DEPTOR: variants seen among roughly 807,000 people sequenced by gnomAD.
The protein encoded by DEPTOR is DEP domain containing MTOR interacting protein.
A neutral mutation model predicts 41.6 loss-of-function variants in DEPTOR; 41 were observed. The observed-to-expected ratio is 0.98, with a 90% CI of 0.77 to 1.28. The LOEUF (loss-of-function observed/expected upper bound fraction) is 1.28. Among genes scored for constraint, DEPTOR ranks in the 50% most tolerant of loss-of-function variants. The probability of loss-of-function intolerance (pLI) is 0.00; values close to 1 mark genes in which losing one functional copy is unlikely to be tolerated. For missense variants in DEPTOR, 514 were observed against 527.9 expected (o/e 0.97, Z 0.26); for synonymous variants, 195 against 192.3 (o/e 1.01, Z -0.12).
chr8:119,983,258 A>C (rs147034385), intron 4 of DEPTOR, among the ~76,000 whole-genome samples: 1,773 of 145,416 alleles, frequency 0.012, 14 homozygotes, highest in Non-Finnish European at 0.018. Flanking sequence ...TTTTCTTTTT[A>C]TTTTTTTTTT....
chr8:120,049,812 C>T lies in DEPTOR; in HGVS notation c.*108C>T, dbSNP rs930791056. ...ATGCAAATGGATGGTTTTGGACATA[C>T]GAGTCTTCTCCGCACATACATGTCT... On this transcript the variant is annotated 3_prime_UTR_variant, in exon 9 of 9. Coordinates refer to ENST00000286234, the MANE Select transcript of DEPTOR (RefSeq NM_022783.4). 1.6e-5 allele frequency: 23 copies of T among 1,416,924 alleles called. No homozygotes were observed. The highest frequency in any genetic ancestry group is 2.4e-5 in the East Asian group (1 of 41,762). 87.8% of individuals were successfully genotyped at this position (1,416,924 alleles called of 1,614,324 possible).
chr8:119,920,463 G>A (rs981271089), intron 1 of DEPTOR, among the ~76,000 whole-genome samples: 2 of 152,156 alleles, frequency 1.3e-5, no homozygotes, highest in Non-Finnish European at 2.9e-5. Context: ...CTGGGAAAAC[G>A]TTCACAGAGG....
chr8:119,949,720 C>A (rs1828328625), intron 3 of DEPTOR, among the ~76,000 whole-genome samples: 2 of 152,124 alleles, frequency 1.3e-5, no homozygotes, highest in South Asian at 2.1e-4. Context: ...TACTTTGTCA[C>A]CCTGGCTGGA....
chr8:119,950,756 A>C (rs370315677), intron 3 of DEPTOR, among the ~76,000 whole-genome samples: 19 of 151,966 alleles, frequency 1.3e-4, no homozygotes, highest in African/African-American at 4.4e-4. Context: ...CACTATGCCC[A>C]GCTAATTATT....
intron 1 of DEPTOR, among the ~76,000 whole-genome samples, chr8:119,918,512 G>A (rs1288700234): frequency 2.6e-5 from 4 of 152,056 alleles, no homozygotes; most frequent in Non-Finnish European, 5.9e-5. Flanking sequence ...CCAGGCTGGA[G>A]TGCAATGGCA....
chr8:119,923,477 A>G (rs80144723), intron 1 of DEPTOR, among the ~76,000 whole-genome samples: 2,688 of 152,240 alleles, frequency 0.018, 35 homozygotes, highest in Admixed American at 0.028. Flanking sequence ...CCTGAGGTCA[A>G]GTTATCCTCC....
rs778314888 is a variant in DEPTOR, at chr8:119,929,927, G to T, written c.414G>T (p.Arg138Ser). ...NEVKAFMRGQRLYEKLMSPEN... is the reference protein window; with the variant it reads ...NEVKAFMRGQSLYEKLMSPEN... ...TGAAGGCCTTTATGAGAGGACAGAG[G>T]CTATATGAAAAGTATGTTCCGCATG... Residue 138 changes from arginine to serine, a missense_variant, in exon 3 of 9, where the codon AGG (arginine) becomes AGT (serine). Physicochemically the swap from Arg to Ser is moderately radical, Grantham distance 110. Coordinates refer to ENST00000286234, the MANE Select transcript of DEPTOR (RefSeq NM_022783.4). The T allele has an allele frequency of 1.1e-5, 18 of 1,612,036 alleles. No individual in the cohort carries two copies. Among genetic ancestry groups the T allele is most frequent in the Non-Finnish European group, 1.4e-5 (16 of 1,178,628 alleles).
chr8:120,047,593 G>A lies in DEPTOR; in HGVS notation c.1102-1983G>A, dbSNP rs542536125. ...CCATGTTGACCAGGCTGATCCACCC[G>A]CCAGGCTGATCCACCTCAAGTGATC... is the stretch of plus-strand genomic sequence containing the variant. On this transcript the variant is annotated intron_variant, in intron 8 of 8. Transcript: ENST00000286234. Among the ~76,000 whole-genome samples, 6 of 151,318 alleles carry A rather than the reference G, an allele frequency of 4.0e-5. No individual in the cohort carries two copies. The East Asian group carries it at 6.0e-4, about 15-fold the overall frequency.
intron 1 of DEPTOR, among the ~76,000 whole-genome samples, chr8:119,878,521 G>A (rs892715057): frequency 1.3e-5 from 2 of 151,304 alleles, no homozygotes; most frequent in African/African-American, 4.9e-5. Context: ...TAGAGACAGC[G>A]TTTCACCATG....
At chr8:119,876,085 G>T (rs991347811) in intron 1 of DEPTOR, among the ~76,000 whole-genome samples, 5 of 152,158 alleles carry the variant, frequency 3.3e-5, no homozygotes, top group African/African-American at 1.2e-4. Context: ...ATATTAAATT[G>T]CATGATGGCT....
chr8:119,904,410 C>G (rs756521234), intron 1 of DEPTOR, among the ~76,000 whole-genome samples: 1 of 149,240 alleles, frequency 6.7e-6, no homozygotes, highest in East Asian at 2.0e-4. Flanking sequence ...TGAGCCACTG[C>G]GCCCGGCGTA....
intron 8 of DEPTOR, among the ~76,000 whole-genome samples, chr8:120,035,005 G>A (rs771906682): frequency 7.6e-6 from 1 of 132,058 alleles, no homozygotes; most frequent in Non-Finnish European, 1.6e-5. Flanking sequence ...TTGTGTGGGA[G>A]TGATACATGT....
intron 8 of DEPTOR, among the ~76,000 whole-genome samples, chr8:120,016,819 T>G (rs11986346): frequency 0.43 from 64,753 of 151,376 alleles, 14,393 homozygotes; most frequent in African/African-American, 0.53. Flanking sequence ...GCCTAGGTTG[T>G]TCTCGAACTC....
At chr8:120,020,124 G>A (rs902649453) in intron 8 of DEPTOR, among the ~76,000 whole-genome samples, 7 of 152,112 alleles carry the variant, frequency 4.6e-5, no homozygotes, top group East Asian at 3.9e-4. Context: ...GTCTCACTCT[G>A]TCACCCAGGC....
intron 1 of DEPTOR, among the ~76,000 whole-genome samples, chr8:119,907,347 A>G (rs1827676653): frequency 6.6e-6 from 1 of 152,144 alleles, no homozygotes; most frequent in Non-Finnish European, 1.5e-5. Context: ...TTTAAAAAAT[A>G]TTTTCTTCCC....
intron 1 of DEPTOR, among the ~76,000 whole-genome samples, chr8:119,919,523 A>G (rs1388149063): frequency 6.6e-6 from 1 of 152,238 alleles, no homozygotes; most frequent in Non-Finnish European, 1.5e-5. Flanking sequence ...CAGATATTAA[A>G]AGGAAATGCA....
At chr8:119,960,930 G>A (rs1828481970) in intron 3 of DEPTOR, among the ~76,000 whole-genome samples, 1 of 152,062 alleles carries the variant, frequency 6.6e-6, no homozygotes, top group South Asian at 2.1e-4. Flanking sequence ...GTTGCACTGA[G>A]ATTGCACCAT....
At chr8:120,008,359 C>G (rs898294047) in intron 7 of DEPTOR, among the ~76,000 whole-genome samples, 1 of 151,842 alleles carries the variant, frequency 6.6e-6, no homozygotes, top group Non-Finnish European at 1.5e-5. Context: ...GAAACCCTGT[C>G]TCTACTAAAA....
chr8:119,952,522 A>C (rs1480137940), intron 3 of DEPTOR, among the ~76,000 whole-genome samples: 1 of 152,204 alleles, frequency 6.6e-6, no homozygotes, highest in Non-Finnish European at 1.5e-5. Context: ...CATAGGTAAT[A>C]GTGTGCCATG....
Sources: allele counts gnomAD v4.1 joint callset (sites outside exome capture counted in the v4.1 genomes callset), GRCh38; gene constraint gnomAD v4.1.1; transcripts MANE v1.5; gene names NCBI Gene and HGNC (gene_info 2026-07-23, HGNC 2026-07-21).